CNTN3: variants seen among roughly 807,000 people sequenced by gnomAD.
CNTN3 encodes contactin 3.
In CNTN3, 60 loss-of-function variants were observed where a neutral mutation model predicts 119.1. The ratio of observed to expected loss-of-function variants is 0.50; its 90% CI spans 0.41 to 0.62. The LOEUF is 0.62. Ranked by LOEUF, CNTN3 falls within the 20% of genes least tolerant of loss-of-function variation. The pLI is 0.00. For missense variants in CNTN3, 1,101 were observed against 1,242.4 expected, an observed-to-expected ratio of 0.89 and a Z score of 1.71; for synonymous variants, 450 against 438.7, an observed-to-expected ratio of 1.03 and a Z score of -0.32.
chr3:74,355,403 G>T (rs375882292), intron 11 of CNTN3, among the ~76,000 whole-genome samples: 24 of 152,140 alleles, frequency 1.6e-4, no homozygotes, highest in African/African-American at 5.8e-4. Flanking sequence ...GAGGGATCTT[G>T]CTTTCAGTCC....
intron 5 of CNTN3, among the ~76,000 whole-genome samples, chr3:74,388,322 C>A (rs1024465308): frequency 6.6e-6 from 1 of 151,952 alleles, no homozygotes; most frequent in Non-Finnish European, 1.5e-5. Context: ...AAAGTATCCC[C>A]AGAATATTAA....
intron 3 of CNTN3, among the ~76,000 whole-genome samples, chr3:74,491,387 CAGCTACTCGGGAGACTAAGGTG>C (rs1324281934): frequency 6.6e-6 from 1 of 151,924 alleles, no homozygotes; most frequent in African/African-American, 2.4e-5. Context: ...CTTGTAGTCC[CAGCTACTCGGGAGACTAAGGTG>C]AGAGGGCTTA....
intron 1 of CNTN3, among the ~76,000 whole-genome samples, chr3:74,587,636 C>A (rs1704617572): frequency 1.3e-5 from 2 of 152,078 alleles, no homozygotes; most frequent in African/African-American, 2.4e-5. Flanking sequence ...AAGAGATATA[C>A]AGGCACAGTT....
chr3:74,599,020 C>T (rs1195558441), intron 1 of CNTN3, among the ~76,000 whole-genome samples: 3 of 152,060 alleles, frequency 2.0e-5, no homozygotes, highest in Non-Finnish European at 4.4e-5. Flanking sequence ...AAGGTAGCTA[C>T]ACTGCTCATT....
intron 1 of CNTN3, among the ~76,000 whole-genome samples, chr3:74,527,100 A>C (rs1703631652): frequency 6.6e-6 from 1 of 151,920 alleles, no homozygotes; most frequent in Admixed American, 6.6e-5. Context: ...ATGTGTGTTC[A>C]TGTATGTATA....
chr3:74,264,141 C>T lies in CNTN3; in HGVS notation c.*260G>A, dbSNP rs1363262197. On this transcript the variant is annotated 3_prime_UTR_variant, in exon 23 of 23. Coordinates refer to ENST00000263665, the MANE Select transcript of CNTN3 (RefSeq NM_020872.3). The stretch of plus-strand genomic sequence containing the variant: ...TCTTTATCCATAGGCAGTGCTTAAA[C>T]TCATAGTTTAAGAACATTTATATCA... 7.7e-6 allele frequency: 2 copies of T among 260,766 alleles called. No individual in the cohort carries two copies. Among genetic ancestry groups the T allele is most frequent in the Non-Finnish European group, 1.4e-5 (2 of 139,650 alleles). The allele number at this position is 260,766 out of a possible 1,614,324, so 16.2% of individuals were successfully genotyped here.
intron 3 of CNTN3, among the ~76,000 whole-genome samples, chr3:74,496,215 AGACTTAC>A (rs1382268470): frequency 5.3e-5 from 8 of 152,176 alleles, no homozygotes; most frequent in Non-Finnish European, 1.0e-4. Flanking sequence ...GGCCACATTC[AGACTTAC>A]GACTTACCTT....
chr3:74,445,258 A>AT (rs1702030205), intron 4 of CNTN3, among the ~76,000 whole-genome samples: 1 of 151,738 alleles, frequency 6.6e-6, no homozygotes, highest in South Asian at 2.1e-4. Flanking sequence ...TTTTGTTTTG[A>AT]TTTTTTGTTT....
At chr3:74,451,372 T>A (rs1012625815) in intron 4 of CNTN3, among the ~76,000 whole-genome samples, 2 of 152,164 alleles carry the variant, frequency 1.3e-5, no homozygotes, top group African/African-American at 2.4e-5. Context: ...TTTGTTTTTT[T>A]CTTGTAAATT....
At position 74,610,381 on chromosome 3, in the gene CNTN3, G is replaced by A. The variant is rs150423299; in HGVS notation, c.-81+4010C>T. Among the ~76,000 whole-genome samples the A allele has an allele frequency of 2.0e-3, 310 of 151,808 alleles. 2 individuals carry two copies. Among genetic ancestry groups the A allele is most frequent in the African/African-American group, 6.8e-3 (283 of 41,374 alleles). On this transcript the variant is annotated intron_variant, in intron 1 of 22. Transcript: ENST00000263665. ...TTTGTGTGTGTGCACACGTGTGTGC[G>A]TATGTGTGTTTAGGCGTTAGGGCTG... is the stretch of plus-strand genomic sequence containing the variant.
chr3:74,568,580 G>A (rs936860500), intron 1 of CNTN3, among the ~76,000 whole-genome samples: 3 of 152,128 alleles, frequency 2.0e-5, no homozygotes, highest in Non-Finnish European at 4.4e-5. Flanking sequence ...AGAGTAACAC[G>A]GAGGAGACAT....
intron 5 of CNTN3, among the ~76,000 whole-genome samples, chr3:74,421,878 G>C (rs1254520123): frequency 6.6e-6 from 1 of 152,162 alleles, no homozygotes; most frequent in Non-Finnish European, 1.5e-5. Context: ...GTGATGAAGC[G>C]GGGCTGATAC....
intron 1 of CNTN3, among the ~76,000 whole-genome samples, chr3:74,568,495 C>T (rs1213570375): frequency 6.6e-6 from 1 of 152,196 alleles, no homozygotes; most frequent in Admixed American, 6.5e-5. Context: ...TCCAAGCTTG[C>T]TCTGCAGCTG....
chr3:74,330,212 C>T (rs1008119255), intron 13 of CNTN3, among the ~76,000 whole-genome samples: 4 of 152,024 alleles, frequency 2.6e-5, no homozygotes, highest in South Asian at 2.1e-4. Context: ...AAAAATTAGC[C>T]GGACACGGTG....
chr3:74,384,600 A>C (rs1016662704), intron 5 of CNTN3, among the ~76,000 whole-genome samples: 7 of 152,210 alleles, frequency 4.6e-5, no homozygotes, highest in African/African-American at 1.7e-4. Context: ...TTTCCAAATA[A>C]ATTCCTATTA....
chr3:74,544,842 C>T (rs921903746), intron 1 of CNTN3, among the ~76,000 whole-genome samples: 4 of 152,132 alleles, frequency 2.6e-5, no homozygotes, highest in Non-Finnish European at 5.9e-5. Context: ...ACATGATCCT[C>T]CCACCTCAGC....
chr3:74,601,628 T>C (rs1247736619), intron 1 of CNTN3, among the ~76,000 whole-genome samples: 4 of 152,120 alleles, frequency 2.6e-5, no homozygotes, highest in African/African-American at 7.2e-5. Context: ...GTATGACAGA[T>C]TGCATTATTG....
Position 74,262,574 on chromosome 3 carries a change from T to A in CNTN3, c.*1827A>T, listed in dbSNP as rs2106732322. On this transcript the variant is annotated 3_prime_UTR_variant, in exon 23 of 23. Transcript: ENST00000263665. ...AATTAATACTGCACACTCATTTGCTTGTTATAAATTTTATTAGAATAGAAA... is the reference window on the plus strand; with the variant it reads ...AATTAATACTGCACACTCATTTGCTAGTTATAAATTTTATTAGAATAGAAA... 1 of 152,688 alleles carries A rather than the reference T, an allele frequency of 6.5e-6. No homozygotes were observed. The highest frequency in any genetic ancestry group is 2.1e-4 in the South Asian group (1 of 4,820). The allele number at this position is 152,688 out of a possible 1,614,324, so 9.5% of individuals were successfully genotyped here. A position where few individuals can be genotyped will look rare whatever the true frequency, so the allele number is the denominator to read the frequency against.
chr3:74,346,432 A>T (rs1284576195), intron 11 of CNTN3, among the ~76,000 whole-genome samples: 2 of 152,114 alleles, frequency 1.3e-5, no homozygotes, highest in African/African-American at 4.8e-5. Context: ...AAAGGGTCAG[A>T]TACTCTCATC....
Sources: gnomAD v4.1 joint callset for allele counts (sites outside exome capture counted in the v4.1 genomes callset) on GRCh38, gnomAD v4.1.1 for gene constraint, MANE v1.5 for transcripts, NCBI Gene and HGNC (gene_info 2026-07-23, HGNC 2026-07-21) for gene names.